Variants in DLG2 observed in about 807,000 individuals in gnomAD.
DLG2 encodes the protein disks large homolog 2.
A neutral mutation model predicts 132.5 loss-of-function variants in DLG2; 45 were observed. The observed-to-expected ratio is 0.34, with a 90% CI of 0.27 to 0.44. The LOEUF (loss-of-function observed/expected upper bound fraction) is 0.44. Ranked by LOEUF, DLG2 falls within the 20% of genes least tolerant of loss-of-function variation. The probability of loss-of-function intolerance (pLI) is 1.00; values close to 1 mark genes in which losing one functional copy is unlikely to be tolerated. For synonymous variants in DLG2, 424 were observed against 419.6 expected (o/e 1.01, Z -0.13); for missense variants, 1,045 against 1,196.9 (o/e 0.87, Z 1.87).
chr11:84,731,356 G>C (rs2063129170), intron 6 of DLG2, among the ~76,000 whole-genome samples: 1 of 152,010 alleles, frequency 6.6e-6, no homozygotes, highest in Non-Finnish European at 1.5e-5. Context: ...TGGCCTCATG[G>C]AGATTACAAA....
At chr11:84,045,278 A>T (rs1210097649) in intron 11 of DLG2, among the ~76,000 whole-genome samples, 1 of 151,678 alleles carries the variant, frequency 6.6e-6, no homozygotes, top group Non-Finnish European at 1.5e-5. Context: ...CTGATAATCC[A>T]ATTTGTTTAC....
intron 6 of DLG2, among the ~76,000 whole-genome samples, chr11:85,061,455 C>T (rs953679705): frequency 6.6e-6 from 1 of 151,854 alleles, no homozygotes; most frequent in Non-Finnish European, 1.5e-5. Flanking sequence ...ATTTCTCAGT[C>T]GCTGCAACAA....
chr11:84,892,445 C>T (rs978196273), intron 6 of DLG2, among the ~76,000 whole-genome samples: 1 of 152,210 alleles, frequency 6.6e-6, no homozygotes, highest in East Asian at 1.9e-4. Context: ...TGCTGCTATA[C>T]CCCTAGTACC....
At chr11:85,493,742 GAGAGAAAGAGAGAC>G (rs1288456594) in intron 3 of DLG2, among the ~76,000 whole-genome samples, 10 of 140,204 alleles carry the variant, frequency 7.1e-5, no homozygotes, top group Admixed American at 2.2e-4. Flanking sequence ...AGGGGAGGGG[GAGAGAAAGAGAGAC>G]AGAGAAAGAG....
At chr11:85,398,992 C>T (rs181336147) in intron 3 of DLG2, among the ~76,000 whole-genome samples, 23 of 152,274 alleles carry the variant, frequency 1.5e-4, no homozygotes, top group African/African-American at 4.8e-4. Context: ...GTCAAATTGT[C>T]CCTGTTTGCA....
At chr11:84,400,612 A>G (rs1055269717) in intron 7 of DLG2, among the ~76,000 whole-genome samples, 2 of 152,202 alleles carry the variant, frequency 1.3e-5, no homozygotes, top group African/African-American at 4.8e-5. Flanking sequence ...AAATATCACA[A>G]TTGCTTTATC....
intron 3 of DLG2, among the ~76,000 whole-genome samples, chr11:85,517,203 A>G (rs557553971): frequency 6.6e-6 from 1 of 152,272 alleles, no homozygotes; most frequent in South Asian, 2.1e-4. Flanking sequence ...AGATGCAGAA[A>G]AGACATTCAG....
intron 6 of DLG2, among the ~76,000 whole-genome samples, chr11:85,068,604 G>T: frequency 6.6e-6 from 1 of 151,904 alleles, no homozygotes; most frequent in Non-Finnish European, 1.5e-5. Context: ...GGGACGTGAA[G>T]GACCTCTTCA....
intron 6 of DLG2, among the ~76,000 whole-genome samples, chr11:84,979,105 G>A (rs540082128): frequency 1.6e-4 from 25 of 152,182 alleles, no homozygotes; most frequent in African/African-American, 5.5e-4. Flanking sequence ...CAAAACCACA[G>A]TGAGATACCA....
chr11:85,293,641 A>G (rs1257331932), intron 3 of DLG2, among the ~76,000 whole-genome samples: 2 of 152,182 alleles, frequency 1.3e-5, no homozygotes, highest in Non-Finnish European at 2.9e-5. Context: ...AAAGCTTATG[A>G]ACTATTGCAG....
chr11:84,238,188 C>T (rs1460052598), intron 8 of DLG2, among the ~76,000 whole-genome samples: 2 of 151,868 alleles, frequency 1.3e-5, no homozygotes, highest in African/African-American at 4.8e-5. Context: ...GGAACTGGCC[C>T]CTAAAAAATA....
At chr11:84,948,190 C>A (rs530014441) in intron 6 of DLG2, among the ~76,000 whole-genome samples, 1 of 152,248 alleles carries the variant, frequency 6.6e-6, no homozygotes, top group African/African-American at 2.4e-5. Flanking sequence ...ACTTCTCCCA[C>A]GCTGCTGGAA....
At chr11:83,927,482 T>C (rs1239575414) in intron 15 of DLG2, among the ~76,000 whole-genome samples, 1 of 152,138 alleles carries the variant, frequency 6.6e-6, no homozygotes. Context: ...AGCTTTCCAA[T>C]TCCAGGGAAA....
chr11:84,715,499 C>T (rs538913582), intron 6 of DLG2, among the ~76,000 whole-genome samples: 11 of 151,992 alleles, frequency 7.2e-5, no homozygotes, highest in Non-Finnish European at 1.3e-4. Context: ...TCCACATAAC[C>T]GCAACTTTGT....
chr11:85,320,050 C>A (rs2080950970), intron 3 of DLG2, among the ~76,000 whole-genome samples: 1 of 151,780 alleles, frequency 6.6e-6, no homozygotes, highest in Admixed American at 6.6e-5. Flanking sequence ...GCTCTTTGAG[C>A]CTCTCATATA....
chr11:84,521,763 G>T (rs188344036), intron 7 of DLG2, among the ~76,000 whole-genome samples: 1 of 152,200 alleles, frequency 6.6e-6, no homozygotes, highest in Non-Finnish European at 1.5e-5. Context: ...TTTTGGAAAT[G>T]ATATTTCAAA....
chr11:84,533,939 C>CAAAAAAAAAAAAAA (rs2099349313), intron 7 of DLG2, among the ~76,000 whole-genome samples: 2 of 77,664 alleles, frequency 2.6e-5, no homozygotes, highest in African/African-American at 4.9e-5. Flanking sequence ...AAAAAAAAAT[C>CAAAAAAAAAAAAAA]AGAGTAATTT....
chr11:83,532,685 T>A (rs1242977294), intron 21 of DLG2, 23 bp downstream of exon 21: 1 of 1,606,766 alleles, frequency 6.2e-7, no homozygotes, highest in Non-Finnish European at 8.5e-7. Context: ...GAGAACTTGA[T>A]GTTTCCATCA....
intron 7 of DLG2, among the ~76,000 whole-genome samples, chr11:84,444,851 T>A (rs2099028506): frequency 6.6e-6 from 1 of 151,926 alleles, no homozygotes; most frequent in Non-Finnish European, 1.5e-5. Flanking sequence ...GTCGTCCAGA[T>A]TGGAATGCAA....
Sources: gnomAD v4.1 joint callset for allele counts (sites outside exome capture counted in the v4.1 genomes callset) on GRCh38, gnomAD v4.1.1 for gene constraint, MANE v1.5 for transcripts, NCBI Gene and HGNC (gene_info 2026-07-23, HGNC 2026-07-21) for gene names.